XPA: variants seen among roughly 807,000 people sequenced by gnomAD.
The protein encoded by XPA is DNA repair protein complementing XP-A cells.
In XPA, 27 loss-of-function variants were observed where a neutral mutation model predicts 35.7. The observed-to-expected ratio is 0.76, with a 90% CI of 0.56 to 1.04. The LOEUF (loss-of-function observed/expected upper bound fraction) is 1.04. Among genes scored for constraint, XPA ranks in the 50% least tolerant of loss-of-function variants. The pLI is 0.00. For synonymous variants in XPA, 133 were observed against 118.4 expected, an observed-to-expected ratio of 1.12 and a Z score of -0.80; for missense variants, 354 against 342.7, an observed-to-expected ratio of 1.03 and a Z score of -0.26.
the XPA span, among the ~76,000 whole-genome samples, chr9:97,662,441 A>G: frequency 6.6e-6 from 1 of 152,176 alleles, no homozygotes; most frequent in South Asian, 2.1e-4. Context: ...CCCACGCTAA[A>G]TATCTTTCCA....
chr9:97,691,407 A>C (rs774559461), intron 2 of XPA, among the ~76,000 whole-genome samples: 6 of 152,190 alleles, frequency 3.9e-5, no homozygotes, highest in Non-Finnish European at 5.9e-5. Context: ...CAAGTCTTTA[A>C]ATTTTACTAG....
At chr9:97,660,931 C>G in the XPA span, 1 of 1,604,706 alleles carries the variant, frequency 6.2e-7, no homozygotes, top group Non-Finnish European at 8.5e-7. Context: ...CCCTTACCCC[C>G]AATTCTGTGT....
the XPA span, chr9:97,669,719 C>T: frequency 1.2e-5 from 18 of 1,495,932 alleles, no homozygotes; most frequent in Admixed American, 6.7e-5. Context: ...ATGTGGGGAA[C>T]TTCGATTAGG....
At chr9:97,666,629 A>G in the XPA span, 1 of 570,566 alleles carries the variant, frequency 1.8e-6, no homozygotes, top group Non-Finnish European at 3.0e-6. Context: ...GTATTGCTGG[A>G]GAAAGATGAC....
the XPA span, chr9:97,668,867 A>G: frequency 2.5e-6 from 4 of 1,613,810 alleles, no homozygotes; most frequent in Middle Eastern, 1.7e-4. Flanking sequence ...TGACGACAGA[A>G]GCAGTGACAG....
intron 3 of XPA, among the ~76,000 whole-genome samples, chr9:97,688,350 G>A (rs1050824438): frequency 1.3e-5 from 2 of 152,028 alleles, no homozygotes; most frequent in African/African-American, 2.4e-5. Context: ...TTCACTAATC[G>A]CATGTCCCTC....
chr9:97,682,652 C>T (rs546357778), intron 5 of XPA, among the ~76,000 whole-genome samples: 38 of 152,124 alleles, frequency 2.5e-4, no homozygotes, highest in African/African-American at 9.2e-4. Context: ...AAATAACAAG[C>T]GAACTGAAAA....
intron 5 of XPA, among the ~76,000 whole-genome samples, chr9:97,684,719 T>G (rs1399223806): frequency 6.6e-6 from 1 of 152,208 alleles, no homozygotes; most frequent in Non-Finnish European, 1.5e-5. Flanking sequence ...ATGACGTACA[T>G]GCTTTTCAGA....
Position 97,697,307 on chromosome 9 carries a change from G to A in XPA, c.-15C>T, listed in dbSNP as rs746624218. On this transcript the variant is annotated 5_prime_UTR_variant, in exon 1 of 6. Transcript: ENST00000375128. ...GCCGCCGCCATCTCTGGCCCACTCC[G>A]AGGACCTAGCTCCCAGCTCCACGCA... 3.1e-6 allele frequency: 5 copies of A among 1,597,354 alleles called. No individual in the cohort carries two copies. The Admixed American group carries it at 5.0e-5, about 16-fold the overall frequency.
intron 4 of XPA, among the ~76,000 whole-genome samples, chr9:97,686,838 G>C (rs1828731541): frequency 6.6e-6 from 1 of 152,148 alleles, no homozygotes; most frequent in Non-Finnish European, 1.5e-5. Context: ...GGGAGGTCAA[G>C]GCTGCAGTGA....
the XPA span, among the ~76,000 whole-genome samples, chr9:97,665,552 C>A: frequency 3.3e-5 from 5 of 152,236 alleles, no homozygotes; most frequent in African/African-American, 1.2e-4. Context: ...ACTCTGCAAA[C>A]CTTTCCCTGA....
intron 4 of XPA, among the ~76,000 whole-genome samples, chr9:97,686,311 C>T (rs1169943312): frequency 6.6e-6 from 1 of 152,134 alleles, no homozygotes; most frequent in East Asian, 1.9e-4. Context: ...GGCCTGGGCA[C>T]TAGCAGTCCT....
intron 4 of XPA, among the ~76,000 whole-genome samples, chr9:97,686,304 C>T (rs545732342): frequency 1.3e-5 from 2 of 152,146 alleles, no homozygotes; most frequent in Non-Finnish European, 2.9e-5. Flanking sequence ...AGAAACTGGC[C>T]TGGGCACTAG....
intron 5 of XPA, 156 bp from the exon 6 acceptor site, chr9:97,675,743 T>C: frequency 1.0e-6 from 1 of 986,088 alleles, no homozygotes; most frequent in Non-Finnish European, 1.5e-6. Context: ...AAGTTGATTA[T>C]ACAAACTTGG....
the XPA span, among the ~76,000 whole-genome samples, chr9:97,659,683 G>A: frequency 1.7e-3 from 261 of 152,306 alleles, no homozygotes; most frequent in Admixed American, 3.5e-3. Flanking sequence ...AAAGGTTTAT[G>A]CAGTACTTAG....
At chr9:97,689,293 G>A (rs1189913361) in intron 3 of XPA, among the ~76,000 whole-genome samples, 2 of 152,070 alleles carry the variant, frequency 1.3e-5, no homozygotes, top group Non-Finnish European at 2.9e-5. Flanking sequence ...AGCAGAAAAA[G>A]AAAAGGAAAT....
At chr9:97,655,165 C>A in the XPA span, among the ~76,000 whole-genome samples, 1 of 152,148 alleles carries the variant, frequency 6.6e-6, no homozygotes, top group Non-Finnish European at 1.5e-5. Flanking sequence ...AGTCAAGTAT[C>A]AAAGACTATA....
At chr9:97,657,920 A>G in the XPA span, among the ~76,000 whole-genome samples, 1 of 105,414 alleles carries the variant, frequency 9.5e-6, no homozygotes, top group Admixed American at 9.4e-5. Context: ...ATATATATAT[A>G]TATATATTTT....
the XPA span, chr9:97,655,703 T>C: frequency 3.1e-6 from 5 of 1,610,930 alleles, no homozygotes; most frequent in Admixed American, 8.4e-5. Flanking sequence ...TCTACGTAGG[T>C]TTATTAATTG....
Sources: gnomAD v4.1 joint callset for allele counts (sites outside exome capture counted in the v4.1 genomes callset) on GRCh38, gnomAD v4.1.1 for gene constraint, MANE v1.5 for transcripts, NCBI Gene and HGNC (gene_info 2026-07-23, HGNC 2026-07-21) for gene names.